Variants in ESRRG observed in about 807,000 individuals in gnomAD.
ESRRG encodes the protein estrogen related receptor gamma, also known as estrogen-related receptor gamma.
Under a neutral mutation model 44.0 loss-of-function variants are expected in ESRRG, and 13 were observed. That is an observed-to-expected ratio of 0.30 (90% CI 0.19 to 0.47). The LOEUF is 0.47. ESRRG is among the 20% of genes least tolerant of loss of function. ESRRG has a pLI of 1.00. For synonymous variants in ESRRG, 215 were observed against 214.6 expected (o/e 1.00, Z -0.02); for missense variants, 395 against 580.6 (o/e 0.68, Z 3.29).
chr1:216,538,384 C>T (rs1023904873), intron 5 of ESRRG, among the ~76,000 whole-genome samples: 4 of 151,956 alleles, frequency 2.6e-5, no homozygotes, highest in South Asian at 2.1e-4. Context: ...AGGACAAAAG[C>T]GTGAGTCTGT....
intron 2 of ESRRG, among the ~76,000 whole-genome samples, chr1:216,934,451 C>T (rs1037972616): frequency 6.6e-6 from 1 of 151,972 alleles, no homozygotes; most frequent in Non-Finnish European, 1.5e-5. Flanking sequence ...AAAAGAAATA[C>T]CCGAGACTGG....
At chr1:216,827,245 C>A (rs1447894986) in intron 2 of ESRRG, among the ~76,000 whole-genome samples, 1 of 152,166 alleles carries the variant, frequency 6.6e-6, no homozygotes, top group African/African-American at 2.4e-5. Context: ...CAGTGATATA[C>A]TGATCTGATT....
At chr1:216,968,961 T>G (rs935303967) in intron 1 of ESRRG, among the ~76,000 whole-genome samples, 1 of 152,198 alleles carries the variant, frequency 6.6e-6, no homozygotes, top group East Asian at 1.9e-4. Flanking sequence ...TTTTACTTTT[T>G]GGGGTGCTAA....
chr1:216,854,948 T>C (rs1367945875), intron 2 of ESRRG: 2 of 152,168 alleles, frequency 1.3e-5, no homozygotes, highest in Non-Finnish European at 2.9e-5. Flanking sequence ...TTTGCTCACG[T>C]TTGGTTGCTC....
intron 1 of ESRRG, among the ~76,000 whole-genome samples, chr1:216,969,280 A>C (rs2071129492): frequency 6.6e-6 from 1 of 152,176 alleles, no homozygotes; most frequent in Non-Finnish European, 1.5e-5. Flanking sequence ...TTAGTAACCC[A>C]CTTGAGGAGA....
chr1:216,843,352 T>A (rs990252340), intron 2 of ESRRG, among the ~76,000 whole-genome samples: 1 of 152,118 alleles, frequency 6.6e-6, no homozygotes, highest in Non-Finnish European at 1.5e-5. Flanking sequence ...AAATATTCCA[T>A]CAGCAGAAGT....
intron 2 of ESRRG, among the ~76,000 whole-genome samples, chr1:216,890,556 A>G (rs756635093): frequency 5.0e-4 from 76 of 152,330 alleles, no homozygotes; most frequent in Admixed American, 1.2e-3. Flanking sequence ...TGACCCTATC[A>G]CTGCTCCTGT....
At chr1:216,786,475 A>G (rs1019636302) in intron 2 of ESRRG, among the ~76,000 whole-genome samples, 1 of 152,148 alleles carries the variant, frequency 6.6e-6, no homozygotes, top group African/African-American at 2.4e-5. Context: ...CCAAAGAAAT[A>G]AATTTAAAAT....
At chr1:216,964,602 C>A (rs1168308124) in intron 1 of ESRRG, among the ~76,000 whole-genome samples, 1 of 152,132 alleles carries the variant, frequency 6.6e-6, no homozygotes, top group Non-Finnish European at 1.5e-5. Flanking sequence ...GAGCGTGAAT[C>A]TGTATGTGTC....
intron 1 of ESRRG, among the ~76,000 whole-genome samples, chr1:217,099,172 A>T (rs1002386236): frequency 1.3e-5 from 2 of 152,246 alleles, no homozygotes; most frequent in Non-Finnish European, 2.9e-5. Context: ...TTCAATAAAC[A>T]TGGAGTCCTA....
intron 2 of ESRRG, among the ~76,000 whole-genome samples, chr1:216,917,970 A>G (rs1028568574): frequency 1.3e-5 from 2 of 152,232 alleles, no homozygotes; most frequent in Admixed American, 1.3e-4. Flanking sequence ...CAGGCGCACT[A>G]TAAGAAATAT....
chr1:217,059,676 C>T (rs1415730445), intron 1 of ESRRG, among the ~76,000 whole-genome samples: 1 of 151,916 alleles, frequency 6.6e-6, no homozygotes, highest in Non-Finnish European at 1.5e-5. Context: ...ATAGTCTTGC[C>T]AAAGGGATCA....
At chr1:216,641,673 T>A (rs1336146826) in intron 3 of ESRRG, among the ~76,000 whole-genome samples, 2 of 152,256 alleles carry the variant, frequency 1.3e-5, no homozygotes, top group Non-Finnish European at 2.9e-5. Flanking sequence ...AAATAAGATG[T>A]CATACACTGA....
At position 216,507,155 on chromosome 1, in the gene ESRRG, G is replaced by A. The variant is rs759755733; in HGVS notation, c.1161C>T (p.Ala387=). ...SDSMHIEDVE[A]VQKLQDVLHE... ...GTAAGACATCCTGAAGCTTCTGAAC[G>A]GCTTCAACATCTTCTATGTGCATGG... Residue 387 remains alanine, a synonymous_variant, in exon 7 of 7, where the codon GCC becomes GCT. Coordinates refer to ENST00000408911, the MANE Select transcript of ESRRG (RefSeq NM_001438.4). The A allele has an allele frequency of 3.2e-5, 51 of 1,611,528 alleles. No homozygotes were observed. The highest frequency in any genetic ancestry group is 2.3e-4 in the African/African-American group (17 of 74,930).
chr1:216,705,496 C>T (rs1043476371), intron 1 of ESRRG, among the ~76,000 whole-genome samples: 9 of 152,086 alleles, frequency 5.9e-5, no homozygotes, highest in African/African-American at 2.2e-4. Flanking sequence ...TCTTCAGTTA[C>T]ACTTCCGTTG....
chr1:216,764,586 C>A lies in ESRRG; in HGVS notation c.-13-87095G>T, dbSNP rs115116846. On this transcript the variant is annotated intron_variant, in intron 2 of 7. Coordinates refer to the ESRRG transcript ENST00000359162. Reference sequence around the variant, plus strand: ...GCCCGGCCCAGGGGGGGACTCTTAACTCCTGGTCTCAAGCAAACTTCCCTC... The same window carrying A: ...GCCCGGCCCAGGGGGGGACTCTTAAATCCTGGTCTCAAGCAAACTTCCCTC... 1.8e-3 allele frequency among the ~76,000 whole-genome samples: 269 copies of A among 152,090 alleles called. 1 individual carries two copies. Among genetic ancestry groups the A allele is most frequent in the African/African-American group, 6.2e-3 (258 of 41,494 alleles).
intron 6 of ESRRG, among the ~76,000 whole-genome samples, chr1:216,517,591 A>G (rs911760407): frequency 6.6e-6 from 1 of 152,192 alleles, no homozygotes; most frequent in Non-Finnish European, 1.5e-5. Flanking sequence ...TTAAATTAGA[A>G]TCGTTTCATG....
intron 2 of ESRRG, among the ~76,000 whole-genome samples, chr1:216,787,583 C>T (rs142718141): frequency 0.01 from 1,138 of 109,240 alleles, 13 homozygotes; most frequent in African/African-American, 0.039. Flanking sequence ...GCCTGGGTGA[C>T]AGAGCAAGAC....
At chr1:216,518,822 C>T (rs7514191) in intron 6 of ESRRG, among the ~76,000 whole-genome samples, 77,879 of 152,030 alleles carry the variant, frequency 0.51, 21,190 homozygotes, top group East Asian at 0.72. Flanking sequence ...TTTTAACTTA[C>T]GCATAAAATA....
Sources: allele counts gnomAD v4.1 joint callset (sites outside exome capture counted in the v4.1 genomes callset), GRCh38; gene constraint gnomAD v4.1.1; transcripts MANE v1.5; gene names NCBI Gene and HGNC (gene_info 2026-07-23, HGNC 2026-07-21).